The following SCAF8 variants were observed in gnomAD, a reference collection of about 807,000 sequenced individuals.
SCAF8 encodes SR-related and CTD-associated factor 8.
A neutral mutation model predicts 140.5 loss-of-function variants in SCAF8; 23 were observed. That is an observed-to-expected ratio of 0.16 (90% CI 0.12 to 0.23). The LOEUF is 0.23. Among genes scored for constraint, SCAF8 ranks in the 10% least tolerant of loss-of-function variants. The pLI is 1.00. For synonymous variants in SCAF8, 575 were observed against 528.9 expected (o/e 1.09, Z -1.20); for missense variants, 1,397 against 1,555.7 (o/e 0.90, Z 1.72).
At position 154,833,360 on chromosome 6, in the gene SCAF8, C is replaced by G. The variant is rs1233551699; in HGVS notation, c.3781C>G (p.Pro1261Ala). The G allele has an allele frequency of 6.2e-7, 1 of 1,613,594 alleles. No individual in the cohort carries two copies. The highest frequency in any genetic ancestry group is 8.5e-7 in the Non-Finnish European group (1 of 1,179,830). ...SDTVADIESEPVVESTETEGT is the reference protein window; with the variant it reads ...SDTVADIESEAVVESTETEGT The stretch of plus-strand genomic sequence containing the variant: ...CACAGTTGCTGATATAGAAAGTGAA[C>G]CAGTGGTAGAAAGCACAGAAACTGA... Residue 1261 changes from proline (P) to alanine (A), a missense_variant, in exon 20 of 20, where the codon CCA becomes GCA. By Grantham distance (27) the Pro-to-Ala change is conservative. This residue lies in a region of SCAF8 where 930 missense variants were observed against 874.6 expected (regional missense o/e 1.06). Coordinates refer to ENST00000367178, the MANE Select transcript of SCAF8 (RefSeq NM_014892.5).
At chr6:154,801,846 A>G (rs1777779496) in intron 6 of SCAF8, 125 bp from the exon 7 acceptor site, 1 of 630,696 alleles carries the variant, frequency 1.6e-6, no homozygotes, top group Non-Finnish European at 2.7e-6. Flanking sequence ...TTAACTTATT[A>G]ATAGTGTGTA....
At chr6:154,733,382 AT>A, upstream of SCAF8, 3 of 1,314,120 alleles carry the variant, frequency 2.3e-6, no homozygotes, top group Non-Finnish European at 2.9e-6. Flanking sequence ...GGCGCCGCGG[AT>A]CCCCGAACTG....
chr6:154,815,385 G>A (rs1360534200), intron 12 of SCAF8, among the ~76,000 whole-genome samples: 4 of 152,166 alleles, frequency 2.6e-5, no homozygotes, highest in African/African-American at 9.7e-5. Flanking sequence ...GAATCACCTA[G>A]GGAATTTTAC....
chr6:154,803,427 T>C (rs969387855), intron 7 of SCAF8, 117 bp from the exon 8 acceptor site: 24 of 721,646 alleles, frequency 3.3e-5, no homozygotes, highest in Non-Finnish European at 5.4e-5. Context: ...ACAAAATGTT[T>C]ATTTACACAT....
At position 154,831,077 on chromosome 6, in the gene SCAF8, C is replaced by T. The variant is rs143872545; in HGVS notation, c.2296C>T (p.Pro766Ser). 275 of 1,613,632 alleles carry T rather than the reference C, an allele frequency of 1.7e-4. No homozygotes were observed. The highest frequency in any genetic ancestry group is 2.3e-4 in the Non-Finnish European group (268 of 1,179,864). ...TAATGCTCCAACTAAACAGGCAGAG[C>T]CTGAAGAAAAAGTACCTCATCTTAT... ...VFNAPTKQAE[P>S]EEKVPHLIDH... Residue 766 changes from proline to serine, a missense_variant, in exon 19 of 20, where the codon CCT becomes TCT. Transcript: ENST00000367178.
chr6:154,766,030 TTA>T (rs924666947), intron 1 of SCAF8, among the ~76,000 whole-genome samples: 2 of 151,658 alleles, frequency 1.3e-5, no homozygotes, highest in African/African-American at 4.8e-5. Flanking sequence ...AAAACATATT[TTA>T]TATGTTATAT....
At chr6:154,758,103 G>A (rs1206910359) in intron 1 of SCAF8, among the ~76,000 whole-genome samples, 2 of 151,858 alleles carry the variant, frequency 1.3e-5, no homozygotes, top group Non-Finnish European at 2.9e-5. Flanking sequence ...GTAAAGACAG[G>A]GTTTCACCAT....
At chr6:154,798,721 T>TA (rs1163348326) in intron 6 of SCAF8, among the ~76,000 whole-genome samples, 2 of 151,390 alleles carry the variant, frequency 1.3e-5, no homozygotes, top group Non-Finnish European at 3.0e-5. Context: ...ACCCTTTAAA[T>TA]ACCTGAGAGT....
At chr6:154,814,442 C>T (rs1164583614) in intron 12 of SCAF8, among the ~76,000 whole-genome samples, 2 of 152,154 alleles carry the variant, frequency 1.3e-5, no homozygotes, top group African/African-American at 4.8e-5. Flanking sequence ...GAACAATGAC[C>T]AGGGACTCTG....
At chr6:154,783,212 TTGTC>T (rs1481171525) in intron 3 of SCAF8, among the ~76,000 whole-genome samples, 3 of 152,222 alleles carry the variant, frequency 2.0e-5, no homozygotes, top group Admixed American at 1.3e-4. Context: ...CCAACTCTTT[TTGTC>T]TGTATGAAAT....
At chr6:154,761,418 G>A (rs993233680) in intron 1 of SCAF8, among the ~76,000 whole-genome samples, 20 of 152,082 alleles carry the variant, frequency 1.3e-4, no homozygotes, top group African/African-American at 9.7e-5. Flanking sequence ...TCCTGGAGGT[G>A]GAGGTTACAG....
chr6:154,763,694 G>A (rs1166492629), intron 1 of SCAF8, among the ~76,000 whole-genome samples: 1 of 151,942 alleles, frequency 6.6e-6, no homozygotes, highest in Non-Finnish European at 1.5e-5. Flanking sequence ...CATAGAGGAG[G>A]GGAGGACATA....
In SCAF8 at chr6:154,733,637, C is replaced by T. The variant is rs1380588648; in HGVS notation, c.-264C>T. On this transcript the variant is annotated 5_prime_UTR_variant, in exon 1 of 20. Transcript: ENST00000367178. ...CGCGGCCCAGCCCCTCCCCCGCCCGCCGCCGACCCGCCCCGGCAGCGCCTC... is the reference window on the plus strand; with the variant it reads ...CGCGGCCCAGCCCCTCCCCCGCCCGTCGCCGACCCGCCCCGGCAGCGCCTC... The T allele has an allele frequency of 7.7e-7, 1 of 1,290,548 alleles. No homozygotes were observed. Among genetic ancestry groups the T allele is most frequent in the Non-Finnish European group, 9.8e-7 (1 of 1,022,808 alleles). 79.9% of individuals were successfully genotyped at this position (1,290,548 alleles called of 1,614,324 possible). A position where few individuals can be genotyped will look rare whatever the true frequency, so the allele number is the denominator to read the frequency against.
Position 154,733,570 on chromosome 6 carries a change from G to A in SCAF8, c.-331G>A, listed in dbSNP as rs1176818981. The A allele has an allele frequency of 1.3e-5, 17 of 1,281,716 alleles. No homozygotes were observed. The highest frequency in any genetic ancestry group is 1.1e-4 in the African/African-American group (7 of 64,520). The allele number at this position is 1,281,716 out of a possible 1,614,324, so 79.4% of individuals were successfully genotyped here. ...GAGAGTGTAGGGGAAGGGGCTAGAGGGAGGGGGACCGAAACGGAGCGGGGC... is the reference window on the plus strand; with the variant it reads ...GAGAGTGTAGGGGAAGGGGCTAGAGAGAGGGGGACCGAAACGGAGCGGGGC... On this transcript the variant is annotated 5_prime_UTR_variant, in exon 1 of 20. Coordinates refer to ENST00000367178, the MANE Select transcript of SCAF8 (RefSeq NM_014892.5).
At chr6:154,800,157 A>G (rs761677750) in intron 6 of SCAF8, among the ~76,000 whole-genome samples, 1 of 151,350 alleles carries the variant, frequency 6.6e-6, no homozygotes, top group South Asian at 2.1e-4. Flanking sequence ...GCCTCTGCTT[A>G]CTTCCTTCCT....
intron 6 of SCAF8, among the ~76,000 whole-genome samples, chr6:154,796,994 G>A (rs1326979301): frequency 1.3e-5 from 2 of 148,638 alleles, no homozygotes; most frequent in Non-Finnish European, 3.0e-5. Context: ...AAAAAAAAAA[G>A]AACCACAAAC....
At chr6:154,816,358 A>T (rs975234255) in intron 13 of SCAF8, among the ~76,000 whole-genome samples, 8 of 152,316 alleles carry the variant, frequency 5.3e-5, no homozygotes, top group African/African-American at 1.7e-4. Flanking sequence ...AGTTGAGCAT[A>T]ACTCTTTCAC....
intron 12 of SCAF8, among the ~76,000 whole-genome samples, chr6:154,812,851 A>G (rs1451364358): frequency 1.3e-5 from 2 of 152,146 alleles, no homozygotes; most frequent in Non-Finnish European, 2.9e-5. Flanking sequence ...GAAATACAGA[A>G]CAGAGTTCAG....
intron 3 of SCAF8, among the ~76,000 whole-genome samples, chr6:154,783,119 C>T (rs1777132313): frequency 6.6e-6 from 1 of 152,040 alleles, no homozygotes; most frequent in Admixed American, 6.6e-5. Flanking sequence ...ACTTTTCTAC[C>T]ATCCATAGCT....
Sources: gnomAD v4.1 joint callset for allele counts (sites outside exome capture counted in the v4.1 genomes callset) on GRCh38, gnomAD v4.1.1 for gene constraint, gnomAD v4.1.1 regional missense constraint, MANE v1.5 for transcripts, NCBI Gene and HGNC (gene_info 2026-07-23, HGNC 2026-07-21) for gene names.